DENND1B: variants seen among roughly 807,000 people sequenced by gnomAD.
DENND1B encodes DENN domain-containing protein 1B.
A neutral mutation model predicts 90.1 loss-of-function variants in DENND1B; 59 were observed. That is an observed-to-expected ratio of 0.65 (90% CI 0.53 to 0.81). The LOEUF is 0.81. Among genes scored for constraint, DENND1B ranks in the 40% least tolerant of loss-of-function variants. The pLI is 0.00. For missense variants in DENND1B, 862 were observed against 912.6 expected (o/e 0.94, Z 0.71); for synonymous variants, 337 against 324.6 (o/e 1.04, Z -0.41).
At position 197,762,473 on chromosome 1, in the gene DENND1B, G is replaced by A. The variant is rs1470885224; in HGVS notation, c.82+10395C>T. ...GTTTATTTGAGGTGCTCAATATGAT[G>A]AAATACATATAGATAGTAAAATGGT... On this transcript the variant is annotated intron_variant, in intron 2 of 22. Coordinates refer to ENST00000620048, the MANE Select transcript of DENND1B (RefSeq NM_001195215.2). Among the ~76,000 whole-genome samples the A allele has an allele frequency of 2.0e-5, 3 of 152,134 alleles. No individual in the cohort carries two copies. The East Asian group carries it at 5.8e-4, about 29-fold the overall frequency.
At chr1:197,702,039 C>T (rs571651189) in intron 3 of DENND1B, among the ~76,000 whole-genome samples, 1 of 152,062 alleles carries the variant, frequency 6.6e-6, no homozygotes, top group Non-Finnish European at 1.5e-5. Flanking sequence ...GAAATGTTTC[C>T]CTATCTCTGG....
intron 20 of DENND1B, among the ~76,000 whole-genome samples, chr1:197,517,140 T>C (rs1039497232): frequency 1.3e-5 from 2 of 151,970 alleles, no homozygotes; most frequent in Admixed American, 6.6e-5. Flanking sequence ...CTTCCTAGCA[T>C]GGAAGACAGT....
chr1:197,706,565 A>G (rs1659555380), intron 3 of DENND1B, among the ~76,000 whole-genome samples: 1 of 152,204 alleles, frequency 6.6e-6, no homozygotes, highest in African/African-American at 2.4e-5. Flanking sequence ...ATATACAAGG[A>G]ACTCAAACAA....
intron 10 of DENND1B, among the ~76,000 whole-genome samples, chr1:197,637,222 G>A (rs1034140734): frequency 6.6e-6 from 1 of 151,774 alleles, no homozygotes; most frequent in Non-Finnish European, 1.5e-5. Context: ...CTGTCTGTAA[G>A]CTATAAGGAT....
intron 3 of DENND1B, among the ~76,000 whole-genome samples, chr1:197,682,512 A>T (rs1300434802): frequency 6.6e-6 from 1 of 152,204 alleles, no homozygotes; most frequent in East Asian, 1.9e-4. Context: ...TATTTAATAC[A>T]TTAGAATAGC....
chr1:197,752,244 T>C (rs1456607935), intron 2 of DENND1B, among the ~76,000 whole-genome samples: 1 of 152,016 alleles, frequency 6.6e-6, no homozygotes, highest in Non-Finnish European at 1.5e-5. Context: ...AAGATAAATA[T>C]TATGAATGGT....
At chr1:197,674,612 G>A (rs1278322994) in intron 3 of DENND1B, among the ~76,000 whole-genome samples, 5 of 150,586 alleles carry the variant, frequency 3.3e-5, no homozygotes, top group South Asian at 2.1e-4. Context: ...GAAGTTGGCA[G>A]CAGAATGAAT....
intron 13 of DENND1B, among the ~76,000 whole-genome samples, chr1:197,601,184 A>G (rs1676174188): frequency 6.6e-6 from 1 of 151,800 alleles, no homozygotes; most frequent in Non-Finnish European, 1.5e-5. Context: ...GTTCACCACT[A>G]TATACCCAGT....
At chr1:197,578,640 T>C (rs1395797873) in intron 15 of DENND1B, among the ~76,000 whole-genome samples, 2 of 152,224 alleles carry the variant, frequency 1.3e-5, no homozygotes, top group Non-Finnish European at 1.5e-5. Context: ...AATGTGTATG[T>C]GTGTATCAAA....
intron 18 of DENND1B, among the ~76,000 whole-genome samples, chr1:197,545,313 G>C (rs1670726849): frequency 6.6e-6 from 1 of 152,194 alleles, no homozygotes; most frequent in East Asian, 1.9e-4. Context: ...GCTGAGGCAG[G>C]AGAATTGCTT....
intron 14 of DENND1B, among the ~76,000 whole-genome samples, chr1:197,588,562 T>TCAC (rs1286976399): frequency 6.6e-6 from 1 of 152,164 alleles, no homozygotes; most frequent in Non-Finnish European, 1.5e-5. Flanking sequence ...CAATGTAATG[T>TCAC]CACCATTACA....
chr1:197,562,921 A>G (rs2147771), intron 15 of DENND1B, among the ~76,000 whole-genome samples: 145,554 of 151,948 alleles, frequency 0.96, 70,011 homozygotes, highest in South Asian at 1. Context: ...TGAGTGGTCT[A>G]GATAGAAAAA....
At chr1:197,638,302 T>A (rs1679966896) in intron 10 of DENND1B, among the ~76,000 whole-genome samples, 1 of 152,256 alleles carries the variant, frequency 6.6e-6, no homozygotes, top group African/African-American at 2.4e-5. Flanking sequence ...AATATGCTTA[T>A]AGACTTTCTG....
At chr1:197,778,687 A>T (rs1043136549), upstream of DENND1B, among the ~76,000 whole-genome samples, 26 of 147,568 alleles carry the variant, frequency 1.8e-4, no homozygotes, top group African/African-American at 6.2e-4. Context: ...AAAAAAATTA[A>T]AAAAAAAAAA....
chr1:197,640,425 A>G (rs1341843308), intron 10 of DENND1B, among the ~76,000 whole-genome samples: 1 of 151,558 alleles, frequency 6.6e-6, no homozygotes, highest in Admixed American at 6.6e-5. Flanking sequence ...GTGAGCCAAG[A>G]TTGTACCACT....
intron 7 of DENND1B, among the ~76,000 whole-genome samples, chr1:197,648,268 A>G (rs991940106): frequency 3.2e-4 from 49 of 152,130 alleles, no homozygotes; most frequent in African/African-American, 1.1e-3. Flanking sequence ...GACATGCTCA[A>G]TTTCTCAAAT....
At chr1:197,691,404 A>C (rs913426960) in intron 3 of DENND1B, among the ~76,000 whole-genome samples, 1 of 152,066 alleles carries the variant, frequency 6.6e-6, no homozygotes, top group African/African-American at 2.4e-5. Context: ...TCACAGTTGG[A>C]TATCATTTCA....
At position 197,512,954 on chromosome 1, in the gene DENND1B, C is replaced by T. The variant is rs1211236330; in HGVS notation, c.1516-1G>A. ...TCTTAAGAGGCCTTTTTAAGCGTGCCTGGAGAGAGAGATTGACAATAAATT... is the reference window on the plus strand; with the variant it reads ...TCTTAAGAGGCCTTTTTAAGCGTGCTTGGAGAGAGAGATTGACAATAAATT... On this transcript the variant is annotated splice_acceptor_variant, in intron 20 of 22. Coordinates refer to ENST00000620048, the MANE Select transcript of DENND1B (RefSeq NM_001195215.2). LOFTEE classifies it high-confidence loss of function. The T allele has an allele frequency of 6.2e-7, 1 of 1,604,126 alleles. No homozygotes were observed. The highest frequency in any genetic ancestry group is 8.5e-7 in the Non-Finnish European group (1 of 1,175,906).
intron 7 of DENND1B, among the ~76,000 whole-genome samples, chr1:197,649,224 G>C (rs547929150): frequency 6.6e-6 from 1 of 152,280 alleles, no homozygotes; most frequent in Middle Eastern, 3.4e-3. Context: ...TTGAATCTAA[G>C]AAATGGATGG....
Sources: allele counts gnomAD v4.1 joint callset (sites outside exome capture counted in the v4.1 genomes callset), GRCh38; gene constraint gnomAD v4.1.1; transcripts MANE v1.5; gene names NCBI Gene and HGNC (gene_info 2026-07-23, HGNC 2026-07-21).